The following PPP1R1C variants were observed in gnomAD, a reference collection of about 807,000 sequenced individuals.
PPP1R1C encodes the protein protein phosphatase 1 regulatory inhibitor subunit 1C.
In PPP1R1C, 15 loss-of-function variants were observed where a neutral mutation model predicts 17.4. The observed-to-expected ratio is 0.86, with a 90% CI of 0.58 to 1.33. The LOEUF (loss-of-function observed/expected upper bound fraction) is 1.33, where lower values mean the gene tolerates loss of function less well. PPP1R1C is among the 40% of genes most tolerant of loss of function. The probability of loss-of-function intolerance (pLI) is 0.00; values close to 1 mark genes in which losing one functional copy is unlikely to be tolerated. For missense variants in PPP1R1C, 143 were observed against 130.0 expected (o/e 1.10, Z -0.48); for synonymous variants, 35 against 43.1 (o/e 0.81, Z 0.73).
At chr2:182,067,481 A>G (rs990644145) in intron 4 of PPP1R1C, among the ~76,000 whole-genome samples, 2 of 152,174 alleles carry the variant, frequency 1.3e-5, no homozygotes, top group African/African-American at 2.4e-5. Flanking sequence ...AATGGCAAGA[A>G]TAAGACGTAC....
In PPP1R1C at chr2:182,090,289, C is replaced by CTGTGTGTGTGTGTGTGTGTGTGTG. The variant is rs142618201; in HGVS notation, c.241+26502_241+26525dup. ...AAACAATTCTCTTGAACTATAAATT[C>CTGTGTGTGTGTGTGTGTGTGTGTG]TGTGTGTGTGTGTGTGTGTGTGTGT... On this transcript the variant is annotated intron_variant, in intron 4 of 4. Transcript: ENST00000682840. 3.6e-3 allele frequency among the ~76,000 whole-genome samples: 528 copies of CTGTGTGTGTGTGTGTGTGTGTGTG among 145,678 alleles called. 4 individuals are homozygous for CTGTGTGTGTGTGTGTGTGTGTGTG. Among genetic ancestry groups the CTGTGTGTGTGTGTGTGTGTGTGTG allele is most frequent in the African/African-American group, 0.012 (473 of 38,002 alleles).
intron 2 of PPP1R1C, among the ~76,000 whole-genome samples, chr2:182,034,473 C>T (rs1034363716): frequency 1.3e-5 from 2 of 151,752 alleles, no homozygotes; most frequent in Non-Finnish European, 2.9e-5. Flanking sequence ...GTTTGAGGAA[C>T]AAAAAGAAGG....
At chr2:182,098,070 A>G (rs368373740) in intron 4 of PPP1R1C, among the ~76,000 whole-genome samples, 86 of 152,018 alleles carry the variant, frequency 5.7e-4, no homozygotes, top group African/African-American at 2.0e-3. Flanking sequence ...TTTCTTTTAC[A>G]CGTGTAATAA....
In PPP1R1C at chr2:181,980,105, T is replaced by C. The variant is rs369095395; in HGVS notation, n.157+4841T>C. On this transcript the variant is annotated intron_variant and non_coding_transcript_variant, in intron 2 of 5. Coordinates refer to the PPP1R1C transcript ENST00000464264. ...ATGTTCTTTAGAGGTTGGGATCTTATTGTATTTGTGTTTGTATCACTGTGT... is the reference window on the plus strand; with the variant it reads ...ATGTTCTTTAGAGGTTGGGATCTTACTGTATTTGTGTTTGTATCACTGTGT... 5.9e-5 allele frequency among the ~76,000 whole-genome samples: 9 copies of C among 152,326 alleles called. No homozygotes were observed. In the South Asian group the frequency reaches 1.2e-3, roughly 21 times the overall value.
At position 182,081,724 on chromosome 2, in the gene PPP1R1C, A is replaced by C. The variant is rs147660295; in HGVS notation, c.241+17933A>C. 2.7e-3 allele frequency among the ~76,000 whole-genome samples: 417 copies of C among 152,336 alleles called. 1 individual carries two copies. Among genetic ancestry groups the C allele is most frequent in the Non-Finnish European group, 4.5e-3 (305 of 68,032 alleles). Reference sequence around the variant, plus strand: ...TGTCATAATAAAAACTCCTGCACTTAGCAGGAATTACATTAACTATGTCTA... The same window carrying C: ...TGTCATAATAAAAACTCCTGCACTTCGCAGGAATTACATTAACTATGTCTA... On this transcript the variant is annotated intron_variant, in intron 4 of 4. Transcript: ENST00000682840.
upstream of PPP1R1C, among the ~76,000 whole-genome samples, chr2:181,981,004 C>CT (rs1443549505): frequency 1.3e-5 from 2 of 149,488 alleles, no homozygotes; most frequent in African/African-American, 4.9e-5. Context: ...TCTCGGCTCA[C>CT]TGCAAGCTCC....
At chr2:182,102,377 G>A (rs1689123284) in intron 4 of PPP1R1C, among the ~76,000 whole-genome samples, 2 of 152,104 alleles carry the variant, frequency 1.3e-5, no homozygotes, top group African/African-American at 4.8e-5. Context: ...TCTAGTTAGA[G>A]TATCAAATCA....
downstream of PPP1R1C, chr2:182,131,177 G>A (rs1203511398): frequency 1.3e-5 from 2 of 150,618 alleles, no homozygotes; most frequent in Non-Finnish European, 2.9e-5. Flanking sequence ...GCAATGTGGA[G>A]TTAAATTTTT....
intron 2 of PPP1R1C, among the ~76,000 whole-genome samples, chr2:181,977,420 C>T (rs1010579022): frequency 6.6e-6 from 1 of 151,886 alleles, no homozygotes; most frequent in Non-Finnish European, 1.5e-5. Flanking sequence ...CTCTTTTCCC[C>T]CTTAACATTT....
intron 4 of PPP1R1C, among the ~76,000 whole-genome samples, chr2:182,104,835 G>A (rs775504810): frequency 2.0e-5 from 3 of 152,146 alleles, no homozygotes; most frequent in African/African-American, 7.2e-5. Flanking sequence ...TTAAAGTTTG[G>A]TATTAGTTGT....
intron 2 of PPP1R1C, among the ~76,000 whole-genome samples, chr2:182,055,487 C>T (rs766731257): frequency 6.6e-5 from 10 of 151,968 alleles, no homozygotes; most frequent in Non-Finnish European, 1.2e-4. Flanking sequence ...CCTTTTTCTT[C>T]TGGTTATAGA....
intron 2 of PPP1R1C, among the ~76,000 whole-genome samples, chr2:182,004,022 G>A (rs1022238145): frequency 2.6e-5 from 4 of 152,060 alleles, no homozygotes; most frequent in African/African-American, 9.7e-5. Flanking sequence ...GAAGCATCAC[G>A]GCTCTGACTG....
At chr2:182,109,610 C>A (rs947454593) in intron 4 of PPP1R1C, among the ~76,000 whole-genome samples, 2 of 152,136 alleles carry the variant, frequency 1.3e-5, no homozygotes, top group African/African-American at 4.8e-5. Flanking sequence ...ACTGTCTTTG[C>A]TCCATTGTAT....
At chr2:182,127,502 C>A (rs372719401) in intron 5 of PPP1R1C, among the ~76,000 whole-genome samples, 1 of 152,036 alleles carries the variant, frequency 6.6e-6, no homozygotes, top group Admixed American at 6.6e-5. Flanking sequence ...AAGCAACAGG[C>A]AATTTTCATT....
intron 2 of PPP1R1C, among the ~76,000 whole-genome samples, chr2:182,031,293 C>T (rs556600981): frequency 1.3e-5 from 2 of 152,304 alleles, no homozygotes; most frequent in Middle Eastern, 6.8e-3. Flanking sequence ...TAAGATTCAC[C>T]TGATAATGAT....
At chr2:182,002,277 C>G (rs940403337) in intron 2 of PPP1R1C, among the ~76,000 whole-genome samples, 1 of 151,806 alleles carries the variant, frequency 6.6e-6, no homozygotes, top group East Asian at 1.9e-4. Context: ...AACTATAGGT[C>G]TACCTTTCAC....
intron 2 of PPP1R1C, among the ~76,000 whole-genome samples, chr2:182,005,720 C>T (rs1303716514): frequency 1.3e-5 from 2 of 152,170 alleles, no homozygotes; most frequent in African/African-American, 4.8e-5. Context: ...TTCTTATTCT[C>T]TTCAGTGCCA....
chr2:182,113,102 A>G (rs989551168), intron 4 of PPP1R1C, among the ~76,000 whole-genome samples: 1 of 152,232 alleles, frequency 6.6e-6, no homozygotes, highest in Non-Finnish European at 1.5e-5. Context: ...GGAATTATCT[A>G]TAACCTGCCT....
chr2:182,038,045 T>C (rs1441059457), intron 2 of PPP1R1C, among the ~76,000 whole-genome samples: 1 of 151,982 alleles, frequency 6.6e-6, no homozygotes, highest in Non-Finnish European at 1.5e-5. Context: ...TTTTATTTTA[T>C]ATATATATTT....
Sources: gnomAD v4.1 joint callset for allele counts (sites outside exome capture counted in the v4.1 genomes callset) on GRCh38, gnomAD v4.1.1 for gene constraint, MANE v1.5 for transcripts, NCBI Gene and HGNC (gene_info 2026-07-23, HGNC 2026-07-21) for gene names.